Variants in LRRTM4 observed in about 807,000 individuals in gnomAD.
LRRTM4 encodes leucine-rich repeat transmembrane neuronal protein 4.
Under a neutral mutation model 47.6 loss-of-function variants are expected in LRRTM4, and 25 were observed. The ratio of observed to expected loss-of-function variants is 0.53; its 90% CI spans 0.38 to 0.73. The LOEUF (loss-of-function observed/expected upper bound fraction) is 0.73, where lower values mean the gene tolerates loss of function less well. LRRTM4 is among the 30% of genes least tolerant of loss of function. The pLI, the probability that LRRTM4 is intolerant of heterozygous loss-of-function variation, is 0.00. For synonymous variants in LRRTM4, 311 were observed against 269.5 expected (o/e 1.15, Z -1.51); for missense variants, 638 against 713.4 (o/e 0.89, Z 1.20).
chr2:77,386,761 G>A lies in LRRTM4; in HGVS notation c.1551+131557C>T, dbSNP rs560627301. 1.8e-4 allele frequency among the ~76,000 whole-genome samples: 28 copies of A among 152,116 alleles called. No homozygotes were observed. The South Asian group carries it at 5.8e-3, about 32-fold the overall frequency. ...GTGAGAACACATGGACACAGGGAGG[G>A]GAACATCACACACCAGGGCCTGTCG... On this transcript the variant is annotated intron_variant, in intron 3 of 3. Coordinates refer to ENST00000409884, the MANE Select transcript of LRRTM4 (RefSeq NM_001134745.3).
At chr2:76,782,355 T>C (rs2104165305) in intron 3 of LRRTM4, among the ~76,000 whole-genome samples, 1 of 152,330 alleles carries the variant, frequency 6.6e-6, no homozygotes, top group Non-Finnish European at 1.5e-5. Flanking sequence ...TCTTGTAATT[T>C]TATGACTTTT....
chr2:77,395,126 C>G (rs1376599898), intron 3 of LRRTM4, among the ~76,000 whole-genome samples: 2 of 151,880 alleles, frequency 1.3e-5, no homozygotes, highest in Admixed American at 6.6e-5. Context: ...CACAAAGAGT[C>G]TGTTCTATCA....
intron 3 of LRRTM4, among the ~76,000 whole-genome samples, chr2:77,019,100 A>G (rs1388227235): frequency 1.3e-5 from 2 of 151,752 alleles, no homozygotes; most frequent in Non-Finnish European, 2.9e-5. Flanking sequence ...GTGCTATATG[A>G]AAAACTTCTT....
chr2:76,805,556 A>G (rs1675924439), intron 3 of LRRTM4, among the ~76,000 whole-genome samples: 1 of 152,152 alleles, frequency 6.6e-6, no homozygotes, highest in Admixed American at 6.6e-5. Flanking sequence ...AATATATTAA[A>G]TTCTCCTTCT....
chr2:77,204,980 G>A (rs1309850779), intron 3 of LRRTM4, among the ~76,000 whole-genome samples: 1 of 152,180 alleles, frequency 6.6e-6, no homozygotes, highest in Non-Finnish European at 1.5e-5. Flanking sequence ...CCAAGTGAAA[G>A]TATAAGGCTG....
chr2:77,145,854 T>C (rs181758288), intron 3 of LRRTM4, among the ~76,000 whole-genome samples: 273 of 152,142 alleles, frequency 1.8e-3, no homozygotes, highest in African/African-American at 6.2e-3. Context: ...AAGGCAATAA[T>C]AGCTTGAGAG....
At chr2:77,046,425 G>T (rs575273649) in intron 3 of LRRTM4, among the ~76,000 whole-genome samples, 6 of 152,092 alleles carry the variant, frequency 3.9e-5, no homozygotes, top group Admixed American at 1.3e-4. Flanking sequence ...GAAGTTTAGT[G>T]TCAGCCACTA....
chr2:77,107,713 G>A (rs1671135027), intron 3 of LRRTM4, among the ~76,000 whole-genome samples: 1 of 151,320 alleles, frequency 6.6e-6, no homozygotes, highest in Admixed American at 6.6e-5. Flanking sequence ...AGCTACTTGG[G>A]AGGCTGAGGC....
intron 3 of LRRTM4, among the ~76,000 whole-genome samples, chr2:76,940,581 C>T (rs915493765): frequency 2.6e-5 from 4 of 152,060 alleles, no homozygotes; most frequent in African/African-American, 9.7e-5. Context: ...TACAACAAAC[C>T]CCCATGACAC....
intron 3 of LRRTM4, among the ~76,000 whole-genome samples, chr2:76,774,046 A>G (rs940054796): frequency 8.5e-5 from 13 of 152,298 alleles, no homozygotes; most frequent in Admixed American, 8.5e-4. Flanking sequence ...TCTTTTGACT[A>G]CCCGAAAACT....
At chr2:77,388,756 T>C (rs755850838) in intron 3 of LRRTM4, among the ~76,000 whole-genome samples, 1 of 152,084 alleles carries the variant, frequency 6.6e-6, no homozygotes, top group African/African-American at 2.4e-5. Flanking sequence ...ATCTGTTTTA[T>C]GCCATTAATT....
chr2:77,200,790 T>G (rs974205826), intron 3 of LRRTM4, among the ~76,000 whole-genome samples: 22 of 152,122 alleles, frequency 1.4e-4, no homozygotes, highest in African/African-American at 5.3e-4. Flanking sequence ...TGACATAATT[T>G]AATATGATGA....
chr2:76,949,525 C>T (rs1317125732), intron 3 of LRRTM4, among the ~76,000 whole-genome samples: 2 of 151,764 alleles, frequency 1.3e-5, no homozygotes, highest in East Asian at 1.9e-4. Flanking sequence ...CATTTTCAGC[C>T]AGACTTGATA....
intron 3 of LRRTM4, among the ~76,000 whole-genome samples, chr2:76,925,678 G>A (rs540865258): frequency 3.0e-4 from 46 of 152,092 alleles, no homozygotes; most frequent in African/African-American, 1.1e-3. Context: ...TGTTTTATTA[G>A]GTTCCTATCT....
At chr2:77,264,387 T>C (rs1448555379) in intron 3 of LRRTM4, among the ~76,000 whole-genome samples, 3 of 152,064 alleles carry the variant, frequency 2.0e-5, no homozygotes, top group African/African-American at 7.2e-5. Context: ...TCTTTTTGTA[T>C]AAAGATAATT....
rs372262134 is a variant in LRRTM4 at position 77,136,924 on chromosome 2, G to GA, written c.1551+381393dup. Among the ~76,000 whole-genome samples the GA allele has an allele frequency of 6.9e-3, 1,041 of 151,874 alleles. 20 individuals carry two copies. The highest frequency in any genetic ancestry group is 0.053 in the East Asian group (272 of 5,160). On this transcript the variant is annotated intron_variant, in intron 3 of 3. Transcript: ENST00000409884. Reference sequence around the variant, plus strand: ...AATGAAGTGAGAAGAGAAGTTTAGAGAAAAAAGAGTCAAAAGAAATGAACA... The same window carrying GA: ...AATGAAGTGAGAAGAGAAGTTTAGAGAAAAAAAGAGTCAAAAGAAATGAACA...
chr2:77,210,670 A>AT (rs1674266596), intron 3 of LRRTM4, among the ~76,000 whole-genome samples: 1 of 151,998 alleles, frequency 6.6e-6, no homozygotes, highest in African/African-American at 2.4e-5. Flanking sequence ...TTGACTCCTA[A>AT]TTTTGTGTGC....
At chr2:77,384,692 G>T (rs1471644561) in intron 3 of LRRTM4, among the ~76,000 whole-genome samples, 1 of 151,978 alleles carries the variant, frequency 6.6e-6, no homozygotes. Context: ...TTATCTCTTT[G>T]TATCTCTCTC....
chr2:77,230,906 T>C (rs1449128364), intron 3 of LRRTM4, among the ~76,000 whole-genome samples: 1 of 152,160 alleles, frequency 6.6e-6, no homozygotes, highest in East Asian at 1.9e-4. Flanking sequence ...TATTTTGAAA[T>C]GGAAATTTTG....
Sources: allele counts gnomAD v4.1 joint callset (sites outside exome capture counted in the v4.1 genomes callset), GRCh38; gene constraint gnomAD v4.1.1; transcripts MANE v1.5; gene names NCBI Gene and HGNC (gene_info 2026-07-23, HGNC 2026-07-21).